Variants in EML6 observed in about 807,000 individuals in gnomAD.
EML6 encodes echinoderm microtubule-associated protein-like 6.
A neutral mutation model predicts 240.1 loss-of-function variants in EML6; 154 were observed. The ratio of observed to expected loss-of-function variants is 0.64; its 90% CI spans 0.56 to 0.73. The LOEUF is 0.73. Among genes scored for constraint, EML6 ranks in the 30% least tolerant of loss-of-function variants. The pLI is 0.00. For missense variants in EML6, 2,964 were observed against 2,474.6 expected (o/e 1.20, Z -4.20); for synonymous variants, 1,148 against 899.0 (o/e 1.28, Z -4.95).
chr2:54,965,681 G>A (rs1160891018), intron 38 of EML6, among the ~76,000 whole-genome samples: 2 of 152,092 alleles, frequency 1.3e-5, no homozygotes, highest in African/African-American at 4.8e-5. Context: ...TCCTGGGTGG[G>A]GGCCACAAGA....
Position 54,957,782 on chromosome 2 carries a change from C to G in EML6, c.4487-8C>G. The G allele has an allele frequency of 6.5e-7, 1 of 1,549,624 alleles. No homozygotes were observed. Among genetic ancestry groups the G allele is most frequent in the Non-Finnish European group, 8.7e-7 (1 of 1,146,934 alleles). The stretch of plus-strand genomic sequence containing the variant: ...GAGGAGCCTCACTGGACTCTGTCAC[C>G]CACACAGGTGCCAAGGTTGCCAGCC... On this transcript the variant is annotated splice_region_variant and splice_polypyrimidine_tract_variant and intron_variant, in intron 32 of 41. Transcript: ENST00000356458.
At chr2:54,856,391 G>A (rs188212074) in intron 11 of EML6, among the ~76,000 whole-genome samples, 7 of 152,170 alleles carry the variant, frequency 4.6e-5, no homozygotes, top group African/African-American at 1.4e-4. Context: ...TGGTGCACCC[G>A]TTCCATTCCT....
intron 2 of EML6, among the ~76,000 whole-genome samples, chr2:54,777,109 C>A (rs552394051): frequency 1.3e-5 from 2 of 152,188 alleles, no homozygotes; most frequent in Non-Finnish European, 2.9e-5. Context: ...CCCTGTGAGG[C>A]CTGGAGTCCC....
chr2:54,894,778 A>G (rs1489760155), intron 19 of EML6, 137 bp from the exon 20 acceptor site: 11 of 604,846 alleles, frequency 1.8e-5, no homozygotes, highest in Non-Finnish European at 2.9e-5. Context: ...CATTGTTATC[A>G]CCAGAGTTTT....
chr2:54,833,265 T>G (rs1212236472), intron 7 of EML6, among the ~76,000 whole-genome samples: 1 of 152,236 alleles, frequency 6.6e-6, no homozygotes, highest in African/African-American at 2.4e-5. Context: ...CCTGTAGACA[T>G]CTATAAGATT....
At chr2:54,912,062 T>C (rs1232524145) in intron 25 of EML6, among the ~76,000 whole-genome samples, 1 of 152,268 alleles carries the variant, frequency 6.6e-6, no homozygotes. Flanking sequence ...TCTCCCTCGC[T>C]TCAGTTTGCC....
intron 2 of EML6, among the ~76,000 whole-genome samples, chr2:54,778,441 A>T (rs1184521910): frequency 6.6e-6 from 1 of 152,160 alleles, no homozygotes; most frequent in African/African-American, 2.4e-5. Flanking sequence ...CTGAACTATA[A>T]TTCTGACCCT....
In EML6 at chr2:54,922,629, T is replaced by C. The variant is rs979736144; in HGVS notation, c.3676-5684T>C. Among the ~76,000 whole-genome samples, 7 of 152,294 alleles carry C rather than the reference T, an allele frequency of 4.6e-5. No homozygotes were observed. The South Asian group carries it at 6.2e-4, about 14-fold the overall frequency. ...AGCATTATTTACAATAGCCAAGATATGGAAACAACTGAAGTATCTATCAAC... is the reference window on the plus strand; with the variant it reads ...AGCATTATTTACAATAGCCAAGATACGGAAACAACTGAAGTATCTATCAAC... On this transcript the variant is annotated intron_variant, in intron 26 of 41. Transcript: ENST00000356458.
At chr2:54,923,404 C>CACACACACAA (rs1553416848) in intron 26 of EML6, among the ~76,000 whole-genome samples, 1 of 143,406 alleles carries the variant, frequency 7.0e-6, no homozygotes, top group Non-Finnish European at 1.5e-5. Context: ...CACACACACA[C>CACACACACAA]AATGGTAACT....
Position 54,724,432 on chromosome 2 carries a change from AG to A in EML6, c.-513-113del. On this transcript the variant is annotated intron_variant, in intron 1 of 41. Coordinates refer to ENST00000356458, the MANE Select transcript of EML6 (RefSeq NM_001039753.4). The surrounding 1 kb of genome is among the most constrained non-coding windows in gnomAD (Gnocchi z 5.2). ...GGAACTGGAGAGAGAAAGCGGGAGT[AG>A]GGGACAATTTTTAAAAATACCCAAC... The A allele has an allele frequency of 6.6e-6, 1 of 152,284 alleles. No homozygotes were observed. The highest frequency in any genetic ancestry group is 1.9e-4 in the East Asian group (1 of 5,170). 9.4% of individuals were successfully genotyped at this position (152,284 alleles called of 1,614,324 possible). A position where few individuals can be genotyped will look rare whatever the true frequency, so the allele number is the denominator to read the frequency against.
chr2:54,944,965 G>T lies in EML6; in HGVS notation c.4005-3917G>T, dbSNP rs557653028. ...TAGAGCAGTGGTTGCTAATTTCTCT[G>T]TGTTTCTCGCCCCTCCCTTTCTCCC... On this transcript the variant is annotated intron_variant, in intron 28 of 41. Coordinates refer to ENST00000356458, the MANE Select transcript of EML6 (RefSeq NM_001039753.4). Among the ~76,000 whole-genome samples the T allele has an allele frequency of 4.8e-5, 7 of 145,486 alleles. No homozygotes were observed. In the East Asian group the frequency reaches 1.5e-3, roughly 30 times the overall value.
chr2:54,894,616 T>G (rs1480194693), intron 19 of EML6, among the ~76,000 whole-genome samples: 1 of 151,816 alleles, frequency 6.6e-6, no homozygotes, highest in African/African-American at 2.4e-5. Context: ...CACATTCTGG[T>G]TGGGAGACTG....
At chr2:54,843,169 A>G (rs1376640517) in intron 7 of EML6, among the ~76,000 whole-genome samples, 7 of 152,218 alleles carry the variant, frequency 4.6e-5, no homozygotes, top group Non-Finnish European at 8.8e-5. Context: ...ATGAAGACCA[A>G]TTTATCATCT....
intron 26 of EML6, among the ~76,000 whole-genome samples, chr2:54,924,313 A>C (rs1674425267): frequency 6.6e-6 from 1 of 152,282 alleles, no homozygotes; most frequent in South Asian, 2.1e-4. Context: ...GGTGCCATCC[A>C]GTTGTGTTTT....
intron 24 of EML6, among the ~76,000 whole-genome samples, chr2:54,908,797 C>A (rs1558675363): frequency 6.6e-6 from 1 of 152,148 alleles, no homozygotes; most frequent in Non-Finnish European, 1.5e-5. Context: ...TCTCAGATTC[C>A]AGTTTACCAA....
chr2:54,870,266 G>C (rs1163023547), intron 15 of EML6, among the ~76,000 whole-genome samples: 3 of 151,960 alleles, frequency 2.0e-5, no homozygotes, highest in Non-Finnish European at 4.4e-5. Context: ...AGAACATGAG[G>C]GGAGTCAACC....
Position 54,928,447 on chromosome 2 carries a change from TG to T in EML6, c.3811del (p.Val1271TrpfsTer43). The T allele has an allele frequency of 3.2e-6, 5 of 1,550,752 alleles. No homozygotes were observed. The highest frequency in any genetic ancestry group is 4.4e-6 in the Non-Finnish European group (5 of 1,146,418). On this transcript the variant is annotated frameshift_variant, in exon 27 of 42. Transcript: ENST00000356458. LOFTEE classifies it high-confidence loss of function. ...CCCTGATGATCTGGACCAGGGAGTT[TG>T]TGGGGACCCAGGAGAGCAAGCTGGT... is the stretch of plus-strand genomic sequence containing the variant. ...TALMIWTREF[V>X]GTQESKLVDS...
intron 10 of EML6, among the ~76,000 whole-genome samples, chr2:54,851,610 C>A (rs1399613796): frequency 1.3e-5 from 2 of 152,156 alleles, no homozygotes; most frequent in African/African-American, 4.8e-5. Context: ...TAGAGAAAAT[C>A]TGAAACAATT....
In EML6 at chr2:54,964,176, C is replaced by G; in HGVS notation, c.5330+18C>G. ...GATATCAGGTACCTAAGTGGGTGGT[C>G]TGGGCATGGAGGAGAAAGGCAAGCA... On this transcript the variant is annotated intron_variant, in intron 37 of 41. Transcript: ENST00000356458. The G allele has an allele frequency of 6.5e-7, 1 of 1,549,492 alleles. No homozygotes were observed. Among genetic ancestry groups the G allele is most frequent in the Non-Finnish European group, 8.7e-7 (1 of 1,145,882 alleles).
Sources: gnomAD v4.1 joint callset for allele counts (sites outside exome capture counted in the v4.1 genomes callset) on GRCh38, gnomAD v4.1.1 for gene constraint, Gnocchi (gnomAD v3.1) non-coding constraint, MANE v1.5 for transcripts, NCBI Gene and HGNC (gene_info 2026-07-23, HGNC 2026-07-21) for gene names.